Variants in GOLGA3 observed in about 807,000 individuals in gnomAD.
GOLGA3 encodes the protein golgin subfamily A member 3.
Under a neutral mutation model 169.4 loss-of-function variants are expected in GOLGA3, and 75 were observed. That is an observed-to-expected ratio of 0.44 (90% CI 0.37 to 0.54). The LOEUF (loss-of-function observed/expected upper bound fraction) is 0.54. Ranked by LOEUF, GOLGA3 falls within the 20% of genes least tolerant of loss-of-function variation. The pLI, the probability that GOLGA3 is intolerant of heterozygous loss-of-function variation, is 0.00. For synonymous variants in GOLGA3, 824 were observed against 822.4 expected, an observed-to-expected ratio of 1.00 and a Z score of -0.03; for missense variants, 1,899 against 1,930.0, an observed-to-expected ratio of 0.98 and a Z score of 0.30.
At chr12:132,826,107 C>A in intron 1 of GOLGA3, 1 of 1,531,320 alleles carries the variant, frequency 6.5e-7, no homozygotes, top group Non-Finnish European at 9.0e-7. Flanking sequence ...CCTTGCCGGC[C>A]TCTGAGCAAG....
chr12:132,780,907 G>A lies in GOLGA3; in HGVS notation c.3473C>T (p.Ala1158Val). The change falls in exon 18 of 24, where the codon GCA becomes GTA. Residue 1158 changes from alanine to valine, a missense_variant. Ala to Val is a moderately conservative substitution (Grantham distance 64). Transcript: ENST00000450791. ...CTCCTCTTCTTTGCGCTGCAAAACT[G>A]CCTGCACCTAGATCAGATTGCAGGA... ...DLVQLNLQVQ[A>V]VLQRKEEEDR... The A allele has an allele frequency of 6.2e-7, 1 of 1,609,544 alleles. No individual in the cohort carries two copies. Among genetic ancestry groups the A allele is most frequent in the Non-Finnish European group, 8.5e-7 (1 of 1,178,786 alleles).
chr12:132,807,196 A>G lies in GOLGA3; in HGVS notation c.1271T>C (p.Leu424Ser). ...KMRLEGQLEA[L>S]SLEASQALKE... ...CGTTACCTGACTCGCCTCCAGTGACAAGGCTTCCAGCTGTCCTTCGAGTCG... is the reference window on the plus strand; with the variant it reads ...CGTTACCTGACTCGCCTCCAGTGACGAGGCTTCCAGCTGTCCTTCGAGTCG... Residue 424 changes from leucine to serine, a missense_variant, in exon 6 of 24, where the codon TTG (leucine) becomes TCG (serine). Physicochemically the swap from Leu to Ser is moderately radical, Grantham distance 145. Transcript: ENST00000450791. The G allele has an allele frequency of 6.2e-7, 1 of 1,605,614 alleles. No homozygotes were observed. The highest frequency in any genetic ancestry group is 1.3e-5 in the African/African-American group (1 of 74,930).
chr12:132,799,634 C>A (rs969762398), intron 8 of GOLGA3, among the ~76,000 whole-genome samples: 5 of 152,150 alleles, frequency 3.3e-5, no homozygotes, highest in Admixed American at 2.6e-4. Context: ...CAGGGCAAGA[C>A]CCTGTCTCCG....
chr12:132,792,931 G>A (rs1299291203), intron 11 of GOLGA3, among the ~76,000 whole-genome samples: 1 of 129,850 alleles, frequency 7.7e-6, no homozygotes, highest in African/African-American at 3.0e-5. Flanking sequence ...CCCACCCCAC[G>A]GGACCTGCAC....
At chr12:132,778,317 G>C (rs2045359626) in intron 18 of GOLGA3, among the ~76,000 whole-genome samples, 1 of 151,788 alleles carries the variant, frequency 6.6e-6, no homozygotes, top group African/African-American at 2.4e-5. Flanking sequence ...GCTCACGCCT[G>C]TAATCCCAGC....
At chr12:132,803,542 G>A (rs1296446996) in intron 7 of GOLGA3, among the ~76,000 whole-genome samples, 3 of 152,190 alleles carry the variant, frequency 2.0e-5, no homozygotes, top group Non-Finnish European at 4.4e-5. Flanking sequence ...GCAACCCACA[G>A]GGCCCCAAAC....
chr12:132,795,778 A>G, intron 11 of GOLGA3, 74 bp downstream of exon 11: 1 of 1,447,348 alleles, frequency 6.9e-7, no homozygotes, highest in Non-Finnish European at 9.4e-7. Flanking sequence ...AGAAAGAAAG[A>G]AAGAAGCAAA....
chr12:132,774,581 G>A (rs2045113207), intron 22 of GOLGA3: 1 of 549,970 alleles, frequency 1.8e-6, no homozygotes, highest in Non-Finnish European at 3.2e-6. Flanking sequence ...GGCAGGACGG[G>A]GCCGAGCCAC....
At position 132,807,981 on chromosome 12, in the gene GOLGA3, T is replaced by A. The variant is rs1291137021; in HGVS notation, c.1088A>T (p.Asp363Val). The A allele has an allele frequency of 1.2e-6, 2 of 1,613,304 alleles. No individual in the cohort carries two copies. Among genetic ancestry groups the A allele is most frequent in the Non-Finnish European group, 1.7e-6 (2 of 1,179,788 alleles). Residue 363 changes from aspartate to valine, a missense_variant, in exon 5 of 24, where the codon GAC (aspartate) becomes GTC (valine). Transcript: ENST00000450791. ...CTCAGCGGCTGCGGCCTGGAGGACG[T>A]CCTTAATGGAGGGGAACTGGCCCAG... ...DTLGQFPSIK[D>V]VLQAAAAEHQ... is the part of the protein sequence containing the mutation.
chr12:132,815,319 G>C (rs894236401), intron 3 of GOLGA3, among the ~76,000 whole-genome samples: 3 of 152,168 alleles, frequency 2.0e-5, no homozygotes, highest in African/African-American at 7.2e-5. Flanking sequence ...GCGCCAGCAG[G>C]AACAGGTGAC....
chr12:132,775,351 C>G (rs1180520472), intron 21 of GOLGA3, 46 bp from the exon 22 acceptor site: 1 of 1,519,270 alleles, frequency 6.6e-7, no homozygotes, highest in Non-Finnish European at 9.0e-7. Flanking sequence ...AGATCTTAAA[C>G]ATCCTGCCAA....
In GOLGA3 at chr12:132,787,964, C is replaced by A. The variant is rs547579453; in HGVS notation, c.2811+1063G>T. 4.6e-5 allele frequency among the ~76,000 whole-genome samples: 7 copies of A among 151,984 alleles called. No individual in the cohort carries two copies. In the South Asian group the frequency reaches 1.5e-3, roughly 32 times the overall value. On this transcript the variant is annotated intron_variant, in intron 13 of 23. Coordinates refer to ENST00000450791, the MANE Select transcript of GOLGA3 (RefSeq NM_001389683.1). The stretch of plus-strand genomic sequence containing the variant: ...CAGGATCAACTGTGAACACTGAGGG[C>A]CGCGTCCCCGACCTGCTCCTGCCCT...
chr12:132,826,368 ATGCAGAGGAGAACTGC>A lies in GOLGA3; in HGVS notation c.-184+2419_-184+2434del, dbSNP rs113757502. Among the ~76,000 whole-genome samples the A allele has an allele frequency of 7.2e-3, 1,099 of 152,180 alleles. 9 individuals carry two copies. Among genetic ancestry groups the A allele is most frequent in the South Asian group, 0.023 (111 of 4,810 alleles). ...TGGACTCAGCCATTACAGGTGGAAC[ATGCAGAGGAGAACTGC>A]TGCAGAGGAGAACTGCTGCAGAGGC... On this transcript the variant is annotated intron_variant, in intron 1 of 23. Coordinates refer to ENST00000450791, the MANE Select transcript of GOLGA3 (RefSeq NM_001389683.1).
intron 2 of GOLGA3, among the ~76,000 whole-genome samples, chr12:132,819,950 T>C (rs542712187): frequency 1.1e-4 from 16 of 152,172 alleles, no homozygotes; most frequent in Middle Eastern, 3.4e-3. Flanking sequence ...GAGGCCAAGG[T>C]GGGGGGATCA....
intron 22 of GOLGA3, 142 bp from the exon 23 acceptor site, chr12:132,774,462 GC>G: frequency 2.4e-6 from 2 of 847,100 alleles, no homozygotes; most frequent in Non-Finnish European, 3.7e-6. Context: ...CGCCGTGGCA[GC>G]CCAGCACGAC....
At chr12:132,780,159 C>T (rs1315152252) in intron 18 of GOLGA3, among the ~76,000 whole-genome samples, 1 of 144,806 alleles carries the variant, frequency 6.9e-6, no homozygotes, top group Admixed American at 6.9e-5. Flanking sequence ...GACATCACAA[C>T]ACTTGCATGC....
At chr12:132,788,914 C>CCCCCACCA in intron 13 of GOLGA3, 113 bp downstream of exon 13, 2 of 454,828 alleles carry the variant, frequency 4.4e-6, no homozygotes, top group Non-Finnish European at 6.5e-6. Context: ...GGCCCCGACC[C>CCCCCACCA]AGACAGACCC....
intron 23 of GOLGA3, 41 bp downstream of exon 23, chr12:132,774,116 C>CT (rs1369497800): frequency 1.3e-6 from 2 of 1,526,232 alleles, no homozygotes; most frequent in Admixed American, 2.1e-5. Flanking sequence ...GGGCATTAAT[C>CT]TTTAAGACTA....
At chr12:132,788,705 C>T (rs1319877757) in intron 13 of GOLGA3, among the ~76,000 whole-genome samples, 1 of 152,222 alleles carries the variant, frequency 6.6e-6, no homozygotes, top group Non-Finnish European at 1.5e-5. Context: ...CTCTCACATG[C>T]TAGATCCCGG....
Sources: allele counts gnomAD v4.1 joint callset (sites outside exome capture counted in the v4.1 genomes callset), GRCh38; gene constraint gnomAD v4.1.1; transcripts MANE v1.5; gene names NCBI Gene and HGNC (gene_info 2026-07-23, HGNC 2026-07-21).